The following DNAH12 variants were observed in gnomAD, a reference collection of about 807,000 sequenced individuals.
DNAH12 encodes the protein dynein axonemal heavy chain 12.
DNAH12 carries 285 observed loss-of-function variants against 371.5 expected under a neutral mutation model. That is an observed-to-expected ratio of 0.77 (90% CI 0.70 to 0.85). The LOEUF (loss-of-function observed/expected upper bound fraction) is 0.85. DNAH12 is among the 40% of genes least tolerant of loss of function. The pLI, the probability that DNAH12 is intolerant of heterozygous loss-of-function variation, is 0.00. For synonymous variants in DNAH12, 1,200 were observed against 1,213.0 expected, an observed-to-expected ratio of 0.99 and a Z score of 0.22; for missense variants, 3,611 against 3,689.4, an observed-to-expected ratio of 0.98 and a Z score of 0.55.
chr3:57,541,139 A>G (rs1341322653), intron 2 of DNAH12, among the ~76,000 whole-genome samples: 1 of 151,422 alleles, frequency 6.6e-6, no homozygotes, highest in Admixed American at 6.6e-5. Flanking sequence ...TCCCAGGTTC[A>G]AGAGATTCTC....
chr3:57,482,510 G>A (rs1450362412), intron 13 of DNAH12, among the ~76,000 whole-genome samples: 6 of 152,120 alleles, frequency 3.9e-5, no homozygotes, highest in Non-Finnish European at 8.8e-5. Context: ...GGAATTCAGT[G>A]TGGCGATTCC....
chr3:57,303,731 T>A (rs781735551), intron 69 of DNAH12, among the ~76,000 whole-genome samples: 3 of 152,158 alleles, frequency 2.0e-5, no homozygotes, highest in African/African-American at 4.8e-5. Context: ...AAAATTCCAA[T>A]GAAATGACAG....
chr3:57,518,517 C>T (rs1472469715), intron 4 of DNAH12, among the ~76,000 whole-genome samples: 1 of 147,656 alleles, frequency 6.8e-6, no homozygotes, highest in Non-Finnish European at 1.5e-5. Context: ...CAGAGCAAGA[C>T]TACTCTGTCT....
intron 24 of DNAH12, 69 bp downstream of exon 24, chr3:57,453,178 T>C (rs2065806361): frequency 6.7e-7 from 1 of 1,482,728 alleles, no homozygotes; most frequent in Non-Finnish European, 8.9e-7. Context: ...AGAATACATA[T>C]AGTACAAGTC....
chr3:57,544,826 T>C (rs2069448622), upstream of DNAH12, among the ~76,000 whole-genome samples: 1 of 152,150 alleles, frequency 6.6e-6, no homozygotes, highest in South Asian at 2.1e-4. Flanking sequence ...AGATGTGAAA[T>C]TTTGCTGTTT....
At chr3:57,340,785 A>C (rs1407248967) in intron 60 of DNAH12, among the ~76,000 whole-genome samples, 3 of 152,176 alleles carry the variant, frequency 2.0e-5, no homozygotes, top group Admixed American at 6.5e-5. Flanking sequence ...AAGGGGAGGG[A>C]ATTCTTCCAA....
At chr3:57,305,786 C>T (rs1264610536) in intron 69 of DNAH12, among the ~76,000 whole-genome samples, 3 of 152,162 alleles carry the variant, frequency 2.0e-5, no homozygotes, top group African/African-American at 7.2e-5. Flanking sequence ...CACAACAGGA[C>T]TTAATTAACC....
rs182536187 is a variant in DNAH12 at position 57,459,994 on chromosome 3, A to C, written c.2737-208T>G. Among the ~76,000 whole-genome samples, 32 of 152,228 alleles carry C rather than the reference A, an allele frequency of 2.1e-4. No homozygotes were observed. In the East Asian group the frequency reaches 6.0e-3, roughly 28 times the overall value. ...AAATCACTGGAACTCACAATTGGAA[A>C]TGACTGTAACATTATTTTGACCAGT... On this transcript the variant is annotated intron_variant, in intron 19 of 73. Transcript: ENST00000495027.
intron 4 of DNAH12, among the ~76,000 whole-genome samples, chr3:57,513,128 C>T (rs559397956): frequency 4.1e-5 from 6 of 147,934 alleles, no homozygotes; most frequent in Non-Finnish European, 8.9e-5. Flanking sequence ...CAGAGTGAGA[C>T]TTCATCTCAA....
At position 57,471,509 on chromosome 3, in the gene DNAH12, T is replaced by A. The variant is rs2066367918; in HGVS notation, c.1874A>T (p.Glu625Val). Residue 625 changes from glutamate (E) to valine (V), a missense_variant, in exon 15 of 74, where the codon GAG (glutamate) becomes GTG (valine). Physicochemically the swap from Glu to Val is moderately radical, Grantham distance 121. Transcript: ENST00000495027. The part of the protein sequence containing the change: ...EIEKESRRME[E>V]FTEFAELERM... Reference sequence around the variant, plus strand: ...CTCCAGCTCTGCAAATTCTGTAAACTCCTCCATGCGGCGTGATTCTTTTTC... The same window carrying A: ...CTCCAGCTCTGCAAATTCTGTAAACACCTCCATGCGGCGTGATTCTTTTTC... 6.5e-7 allele frequency: 1 copy of A among 1,548,466 alleles called. No homozygotes were observed. The highest frequency in any genetic ancestry group is 1.4e-5 in the African/African-American group (1 of 73,024).
chr3:57,419,354 C>A lies in DNAH12; in HGVS notation c.5714+13G>T. The A allele has an allele frequency of 6.7e-7, 1 of 1,483,630 alleles. No individual in the cohort carries two copies. Among genetic ancestry groups the A allele is most frequent in the Non-Finnish European group, 8.9e-7 (1 of 1,125,106 alleles). 91.9% of individuals were successfully genotyped at this position (1,483,630 alleles called of 1,614,324 possible). ...TTACATTCAAAATGCTTGTTTATAG[C>A]AGAGTTCCTTACTTTGCATAGGTAA... On this transcript the variant is annotated intron_variant, in intron 37 of 73. Transcript: ENST00000495027.
chr3:57,500,865 C>T (rs1418599422), intron 11 of DNAH12, among the ~76,000 whole-genome samples: 1 of 152,176 alleles, frequency 6.6e-6, no homozygotes, highest in Non-Finnish European at 1.5e-5. Flanking sequence ...AAGTTATCCT[C>T]TTGCCTCAGC....
At chr3:57,447,952 G>C (rs977229844) in intron 25 of DNAH12, among the ~76,000 whole-genome samples, 1 of 152,164 alleles carries the variant, frequency 6.6e-6, no homozygotes, top group Non-Finnish European at 1.5e-5. Context: ...TGGGATTATA[G>C]GCATGAGCTA....
intron 65 of DNAH12, among the ~76,000 whole-genome samples, chr3:57,321,008 T>C (rs953361245): frequency 6.6e-6 from 1 of 152,216 alleles, no homozygotes; most frequent in African/African-American, 2.4e-5. Flanking sequence ...CAGCGTAGCT[T>C]GCTCAATGTT....
chr3:57,500,677 T>C (rs913233225), intron 11 of DNAH12, among the ~76,000 whole-genome samples: 2 of 152,188 alleles, frequency 1.3e-5, no homozygotes, highest in African/African-American at 4.8e-5. Flanking sequence ...ACTTTGTCCA[T>C]ATCTCTATTC....
intron 58 of DNAH12, among the ~76,000 whole-genome samples, chr3:57,357,667 CA>C (rs1216264877): frequency 9.2e-5 from 14 of 152,078 alleles, no homozygotes; most frequent in Admixed American, 2.0e-4. Context: ...TGAGACATAC[CA>C]AATAAGAAAG....
In DNAH12 at chr3:57,323,677, G is replaced by T; in HGVS notation, c.9979-58C>A. ...AACTTTTATTTCACATAATGGATATGAATATTATTGAAAAACAACAAAGAA... is the reference window on the plus strand; with the variant it reads ...AACTTTTATTTCACATAATGGATATTAATATTATTGAAAAACAACAAAGAA... On this transcript the variant is annotated intron_variant, in intron 62 of 73. Coordinates refer to ENST00000495027, the MANE Select transcript of DNAH12 (RefSeq NM_001366028.2). 1.4e-6 allele frequency: 2 copies of T among 1,410,100 alleles called. 1 individual carries two copies. The allele number at this position is 1,410,100 out of a possible 1,614,324, so 87.3% of individuals were successfully genotyped here.
intron 60 of DNAH12, among the ~76,000 whole-genome samples, chr3:57,337,964 T>C (rs1294919142): frequency 1.3e-5 from 2 of 152,196 alleles, no homozygotes; most frequent in African/African-American, 4.8e-5. Flanking sequence ...GGATTGGCCA[T>C]ATGTTAGGAC....
At chr3:57,425,408 A>G (rs1310075103) in intron 34 of DNAH12, among the ~76,000 whole-genome samples, 1 of 145,778 alleles carries the variant, frequency 6.9e-6, no homozygotes. Context: ...CCACCAGGCT[A>G]TTTTTTTTTT....
Sources: gnomAD v4.1 joint callset for allele counts (sites outside exome capture counted in the v4.1 genomes callset) on GRCh38, gnomAD v4.1.1 for gene constraint, MANE v1.5 for transcripts, NCBI Gene and HGNC (gene_info 2026-07-23, HGNC 2026-07-21) for gene names.